The following BMPR2 variants were observed in gnomAD, a reference collection of about 807,000 sequenced individuals.
The protein encoded by BMPR2 is bone morphogenetic protein receptor type-2.
In BMPR2, 29 loss-of-function variants were observed where a neutral mutation model predicts 100.8. The ratio of observed to expected loss-of-function variants is 0.29; its 90% CI spans 0.21 to 0.39. BMPR2 has a LOEUF of 0.39. Ranked by LOEUF, BMPR2 falls within the 10% of genes least tolerant of loss-of-function variation. The probability of loss-of-function intolerance (pLI) is 1.00; values close to 1 mark genes in which losing one functional copy is unlikely to be tolerated. For missense variants in BMPR2, 1,011 were observed against 1,274.5 expected (o/e 0.79, Z 3.15); for synonymous variants, 382 against 442.3 (o/e 0.86, Z 1.71).
At chr2:202,538,974 G>C (rs918325982) in intron 9 of BMPR2, among the ~76,000 whole-genome samples, 2 of 152,100 alleles carry the variant, frequency 1.3e-5, no homozygotes, top group African/African-American at 2.4e-5. Flanking sequence ...TCTACATAGA[G>C]ATGGTAACTG....
rs1221129629 is a variant in BMPR2, at chr2:202,556,230, C to T, written c.2565C>T (p.Asp855=). The part of the protein sequence containing the change: ...EMLQNQFIGE[D]TRLNINSSPD... ...TGCAGAATCAGTTTATTGGTGAGGA[C>T]ACCCGGCTGAATATTAATTCCAGTC... The change falls in exon 12 of 13, where the codon GAC becomes GAT. Residue 855 remains aspartate (D), a synonymous_variant. Transcript: ENST00000374580. 3 of 1,613,240 alleles carry T rather than the reference C, an allele frequency of 1.9e-6. No individual in the cohort carries two copies. Among genetic ancestry groups the T allele is most frequent in the Non-Finnish European group, 1.7e-6 (2 of 1,179,234 alleles).
At chr2:202,437,163 G>A (rs1170960430) in intron 1 of BMPR2, among the ~76,000 whole-genome samples, 2 of 150,024 alleles carry the variant, frequency 1.3e-5, no homozygotes, top group South Asian at 2.1e-4. Context: ...GCGCCACCAC[G>A]CCCAGCTAAT....
At chr2:202,484,402 C>T (rs932026195) in intron 3 of BMPR2, among the ~76,000 whole-genome samples, 48 of 149,076 alleles carry the variant, frequency 3.2e-4, no homozygotes, top group East Asian at 7.9e-4. Flanking sequence ...AGGCCGGGCG[C>T]GGTGGCTTAC....
At position 202,441,846 on chromosome 2, in the gene BMPR2, A is replaced by G. The variant is rs964017835; in HGVS notation, c.77-22963A>G. Among the ~76,000 whole-genome samples, 3 of 150,116 alleles carry G rather than the reference A, an allele frequency of 2.0e-5. 1 individual carries two copies. The highest frequency in any genetic ancestry group is 7.6e-5 in the African/African-American group (3 of 39,552). ...TCAGGAGTTCGAGACCAGTCTGGCC[A>G]ACATGGTGAAACCCCATCTCTACCA... is the stretch of plus-strand genomic sequence containing the variant. On this transcript the variant is annotated intron_variant, in intron 1 of 12. Transcript: ENST00000374580.
At position 202,544,766 on chromosome 2, in the gene BMPR2, T is replaced by C. The variant is rs1191205944; in HGVS notation, c.1413+2319T>C. ...TTTCTTTTTTCTTTTTCTTTCTTTT[T>C]TTTTTTTTTTTTTTTTGAGACAGGA... On this transcript the variant is annotated intron_variant, in intron 10 of 12. Transcript: ENST00000374580. Among the ~76,000 whole-genome samples the C allele has an allele frequency of 7.9e-4, 114 of 144,570 alleles. 1 individual carries two copies. The highest frequency in any genetic ancestry group is 6.7e-3 in the South Asian group (30 of 4,486). The allele number at this position is 144,570 out of a possible 152,430, so 94.8% of individuals were successfully genotyped here. A position where few individuals can be genotyped will look rare whatever the true frequency, so the allele number is the denominator to read the frequency against.
rs140126469 is a variant in BMPR2, at chr2:202,487,732, A to G, written c.418+20043A>G. 5.9e-5 allele frequency among the ~76,000 whole-genome samples: 9 copies of G among 152,352 alleles called. No homozygotes were observed. The East Asian group carries it at 1.5e-3, about 26-fold the overall frequency. The stretch of plus-strand genomic sequence containing the variant: ...GAAAGGACAGCAAATTATTAAAATG[A>G]TTGCAGAATTGTTGAGAGCACTTGA... On this transcript the variant is annotated intron_variant, in intron 3 of 12. Transcript: ENST00000374580.
Position 202,376,334 on chromosome 2 carries a change from C to G in BMPR2, c.-1141C>G, listed in dbSNP as rs1167339921. ...CAGACTGGCAGCTGCGGCGACTCCC[C>G]CCTTTGTGTCTGGTCTGCTCGGAGC... On this transcript the variant is annotated 5_prime_UTR_variant, in exon 1 of 13. Transcript: ENST00000374580. Among the ~76,000 whole-genome samples the G allele has an allele frequency of 1.4e-5, 2 of 147,146 alleles. No individual in the cohort carries two copies. Among genetic ancestry groups the G allele is most frequent in the African/African-American group, 2.5e-5 (1 of 39,928 alleles).
chr2:202,518,105 C>T (rs1472010103), intron 5 of BMPR2, among the ~76,000 whole-genome samples: 3 of 136,370 alleles, frequency 2.2e-5, no homozygotes, highest in East Asian at 2.2e-4. Context: ...GGATTACAGG[C>T]GTGAGCCACC....
At chr2:202,391,260 G>A (rs1196515343) in intron 1 of BMPR2, among the ~76,000 whole-genome samples, 1 of 151,908 alleles carries the variant, frequency 6.6e-6, no homozygotes. Context: ...ACAGGTGTGA[G>A]CCACTGCGCC....
chr2:202,436,318 C>T (rs992781483), intron 1 of BMPR2, among the ~76,000 whole-genome samples: 1 of 149,622 alleles, frequency 6.7e-6, no homozygotes, highest in Non-Finnish European at 1.5e-5. Context: ...TGATAGCCTG[C>T]GCCTGTGGTC....
rs1693018507 is a variant in BMPR2, at chr2:202,495,994, TAACA to T, written c.419-17720_419-17717del. Among the ~76,000 whole-genome samples, 1 of 152,284 alleles carries T rather than the reference TAACA, an allele frequency of 6.6e-6. No individual in the cohort carries two copies. The highest frequency in any genetic ancestry group is 1.9e-4 in the East Asian group (1 of 5,186). On this transcript the variant is annotated intron_variant, in intron 3 of 12. Coordinates refer to ENST00000374580, the MANE Select transcript of BMPR2 (RefSeq NM_001204.7). This position sits in a 1 kb window ranked among gnomAD's most constrained non-coding sequence, Gnocchi z 4.5. ...TATTTTATAGTTTAATGTATTTTAGTAACAAACAGGAACAGCAAAAAGACAGCGT... is the reference window on the plus strand; with the variant it reads ...TATTTTATAGTTTAATGTATTTTAGTAACAGGAACAGCAAAAAGACAGCGT...
intron 1 of BMPR2, among the ~76,000 whole-genome samples, chr2:202,409,461 A>T (rs1690968788): frequency 6.6e-6 from 1 of 152,186 alleles, no homozygotes; most frequent in South Asian, 2.1e-4. Context: ...CATGACTGTA[A>T]TCCTAGCACT....
At chr2:202,470,787 A>AG (rs1240047992) in intron 3 of BMPR2, among the ~76,000 whole-genome samples, 1 of 151,044 alleles carries the variant, frequency 6.6e-6, no homozygotes, top group East Asian at 2.0e-4. Flanking sequence ...AAAAAAAAAA[A>AG]AAGAAAGTAA....
Position 202,532,746 on chromosome 2 carries a change from T to A in BMPR2, c.1276+14T>A. ...ACCTCTTCCCAGGTAAAAACTACTG[T>A]CAAAAGTTGATATTTTTTGAAGTGA... On this transcript the variant is annotated intron_variant, in intron 9 of 12. Coordinates refer to ENST00000374580, the MANE Select transcript of BMPR2 (RefSeq NM_001204.7). The surrounding 1 kb of genome is among the most constrained non-coding windows in gnomAD (Gnocchi z 4.1). The A allele has an allele frequency of 6.2e-7, 1 of 1,609,774 alleles. No individual in the cohort carries two copies. Among genetic ancestry groups the A allele is most frequent in the Non-Finnish European group, 8.5e-7 (1 of 1,179,438 alleles).
chr2:202,508,071 TA>T lies in BMPR2; in HGVS notation c.419-5647del, dbSNP rs1687558882. On this transcript the variant is annotated intron_variant, in intron 3 of 12. Transcript: ENST00000374580. ...TATCTAAAAAGCTGTCATTTGAGGC[TA>T]TTATTATTATTATTATTATTATTAT... Among the ~76,000 whole-genome samples the T allele has an allele frequency of 4.5e-4, 3 of 6,688 alleles. No individual in the cohort carries two copies. In the Admixed American group the frequency reaches 6.7e-3, roughly 15 times the overall value. The allele number at this position is 6,688 out of a possible 152,430, so 4.4% of individuals were successfully genotyped here. A position where few individuals can be genotyped will look rare whatever the true frequency, so the allele number is the denominator to read the frequency against.
chr2:202,424,781 T>G (rs1053638629), intron 1 of BMPR2, among the ~76,000 whole-genome samples: 2 of 152,116 alleles, frequency 1.3e-5, no homozygotes, highest in Non-Finnish European at 2.9e-5. Context: ...GCCAATATAC[T>G]CACTTGCTCT....
At chr2:202,448,203 A>G (rs1373020009) in intron 1 of BMPR2, among the ~76,000 whole-genome samples, 2 of 151,180 alleles carry the variant, frequency 1.3e-5, no homozygotes, top group African/African-American at 4.9e-5. Context: ...TAATCCCAGC[A>G]CTTTGGGAGG....
chr2:202,500,435 G>A (rs1235966287), intron 3 of BMPR2, among the ~76,000 whole-genome samples: 1 of 152,172 alleles, frequency 6.6e-6, no homozygotes, highest in African/African-American at 2.4e-5. Flanking sequence ...GAACAAGTTA[G>A]CCATTTGTTG....
chr2:202,419,117 C>G (rs1450411297), intron 1 of BMPR2, among the ~76,000 whole-genome samples: 3 of 152,134 alleles, frequency 2.0e-5, no homozygotes, highest in African/African-American at 7.2e-5. Context: ...AGAAAAAGGT[C>G]AGAGTTTAGT....
Sources: allele counts gnomAD v4.1 joint callset (sites outside exome capture counted in the v4.1 genomes callset), GRCh38; gene constraint gnomAD v4.1.1; non-coding constraint Gnocchi (gnomAD v3.1); transcripts MANE v1.5; gene names NCBI Gene and HGNC (gene_info 2026-07-23, HGNC 2026-07-21).